PITPNC1: variants seen among roughly 807,000 people sequenced by gnomAD.
The protein encoded by PITPNC1 is cytoplasmic phosphatidylinositol transfer protein 1.
A neutral mutation model predicts 44.7 loss-of-function variants in PITPNC1; 18 were observed. The ratio of observed to expected loss-of-function variants is 0.40; its 90% CI spans 0.28 to 0.60. PITPNC1 has a LOEUF of 0.60. Ranked by LOEUF, PITPNC1 falls within the 20% of genes least tolerant of loss-of-function variation. The pLI, the probability that PITPNC1 is intolerant of heterozygous loss-of-function variation, is 0.39. For missense variants in PITPNC1, 290 were observed against 418.4 expected (o/e 0.69, Z 2.68); for synonymous variants, 141 against 149.6 (o/e 0.94, Z 0.42).
intron 1 of PITPNC1, among the ~76,000 whole-genome samples, chr17:67,532,570 G>A (rs909358267): frequency 6.6e-6 from 1 of 152,096 alleles, no homozygotes; most frequent in Admixed American, 6.5e-5. Flanking sequence ...ACCCGGCCGA[G>A]CATTTGCCAA....
chr17:67,632,068 G>T, intron 5 of PITPNC1, 75 bp from the exon 6 acceptor site: 1 of 855,396 alleles, frequency 1.2e-6, no homozygotes, highest in Non-Finnish European at 2.0e-6. Flanking sequence ...CTGTGTGGGG[G>T]TTATTCTGCC....
intron 5 of PITPNC1, among the ~76,000 whole-genome samples, chr17:67,629,721 C>CACTTGA (rs1209288513): frequency 6.6e-6 from 1 of 152,246 alleles, no homozygotes. Context: ...CTTATTTCTC[C>CACTTGA]ACTTGAACTT....
At chr17:67,566,095 G>C (rs551037071) in intron 4 of PITPNC1, among the ~76,000 whole-genome samples, 1 of 151,766 alleles carries the variant, frequency 6.6e-6, no homozygotes, top group Non-Finnish European at 1.5e-5. Context: ...ACTTTGACTT[G>C]TTTCCAAGTT....
chr17:67,598,065 T>C (rs1329395781), intron 5 of PITPNC1, among the ~76,000 whole-genome samples: 3 of 151,764 alleles, frequency 2.0e-5, no homozygotes, highest in African/African-American at 7.3e-5. Flanking sequence ...CTACTAAAAA[T>C]ACAAAAATTA....
chr17:67,494,261 C>T (rs1225886910), intron 1 of PITPNC1, among the ~76,000 whole-genome samples: 2 of 145,788 alleles, frequency 1.4e-5, no homozygotes, highest in Non-Finnish European at 3.0e-5. Flanking sequence ...AGTGCAGTGG[C>T]GCAATCTTGA....
intron 1 of PITPNC1, among the ~76,000 whole-genome samples, chr17:67,455,133 A>G (rs1399527354): frequency 1.3e-5 from 2 of 152,092 alleles, no homozygotes; most frequent in Admixed American, 1.3e-4. Flanking sequence ...CACATATTTC[A>G]AAGTAAAACC....
rs924909203 is a variant in PITPNC1, at chr17:67,552,198, G to A, written c.198-59G>A. The A allele has an allele frequency of 2.6e-5, 22 of 834,146 alleles. No individual in the cohort carries two copies. In the South Asian group the frequency reaches 2.8e-4, roughly 11 times the overall value. 51.7% of individuals were successfully genotyped at this position (834,146 alleles called of 1,614,324 possible). A position where few individuals can be genotyped will look rare whatever the true frequency, so the allele number is the denominator to read the frequency against. ...TCCAGCATTTTATCCAGAAAGATGT[G>A]GTAGTGTGGTGAGACTCTGAACAGA... is the stretch of plus-strand genomic sequence containing the variant. On this transcript the variant is annotated intron_variant, in intron 2 of 8. Transcript: ENST00000581322.
Position 67,479,295 on chromosome 17 carries a change from C to A in PITPNC1, c.49-53507C>A, listed in dbSNP as rs890370981. ...CACACACACGTCCAGTAGAGACAGACAAGGGGGAGAATTAAATGATTAGCC... is the reference window on the plus strand; with the variant it reads ...CACACACACGTCCAGTAGAGACAGAAAAGGGGGAGAATTAAATGATTAGCC... On this transcript the variant is annotated intron_variant, in intron 1 of 8. Coordinates refer to ENST00000581322, the MANE Select transcript of PITPNC1 (RefSeq NM_012417.4). Among the ~76,000 whole-genome samples, 8 of 152,288 alleles carry A rather than the reference C, an allele frequency of 5.3e-5. No individual in the cohort carries two copies. In the East Asian group the frequency reaches 5.8e-4, roughly 11 times the overall value.
intron 8 of PITPNC1, among the ~76,000 whole-genome samples, chr17:67,677,504 A>C (rs1428927338): frequency 6.6e-6 from 1 of 152,008 alleles, no homozygotes; most frequent in Non-Finnish European, 1.5e-5. Context: ...ATGAAAGGCC[A>C]GGAAGGCGAT....
intron 1 of PITPNC1, among the ~76,000 whole-genome samples, chr17:67,510,118 G>A (rs2040163887): frequency 6.6e-6 from 1 of 152,210 alleles, no homozygotes; most frequent in South Asian, 2.1e-4. Flanking sequence ...GCTGAGCACA[G>A]GGCATTGGGT....
chr17:67,447,711 G>A (rs78412572), intron 1 of PITPNC1, among the ~76,000 whole-genome samples: 4,063 of 150,050 alleles, frequency 0.027, 149 homozygotes, highest in East Asian at 0.14. Flanking sequence ...ATCCCTGCTT[G>A]GAGTCAGCAG....
chr17:67,462,698 A>C (rs1314111203), intron 1 of PITPNC1, among the ~76,000 whole-genome samples: 1 of 122,340 alleles, frequency 8.2e-6, no homozygotes, highest in African/African-American at 3.2e-5. Context: ...CACAATTGGA[A>C]TTTTTTTTTT....
chr17:67,406,204 G>A (rs1261323226), intron 1 of PITPNC1, among the ~76,000 whole-genome samples: 1 of 151,968 alleles, frequency 6.6e-6, no homozygotes. Flanking sequence ...TTTCACAGGC[G>A]CGATCATCAC....
intron 4 of PITPNC1, among the ~76,000 whole-genome samples, chr17:67,559,097 G>A (rs914808212): frequency 6.6e-6 from 1 of 152,116 alleles, no homozygotes; most frequent in African/African-American, 2.4e-5. Flanking sequence ...AATCCAAAGA[G>A]CTGATAGGTG....
chr17:67,463,844 T>G (rs1402900828), intron 1 of PITPNC1, among the ~76,000 whole-genome samples: 1 of 151,814 alleles, frequency 6.6e-6, no homozygotes, highest in African/African-American at 2.4e-5. Context: ...AAGGCAGAGC[T>G]TGCAGCACCA....
Position 67,513,489 on chromosome 17 carries a change from G to GTGTATATA in PITPNC1, c.49-19312_49-19311insGTATATAT, listed in dbSNP as rs772483698. On this transcript the variant is annotated intron_variant, in intron 1 of 8. Transcript: ENST00000581322. ...ATATTTTTACTATATGTGTGTGTGT[G>GTGTATATA]TATATATATATATATATATATATAG... Among the ~76,000 whole-genome samples the GTGTATATA allele has an allele frequency of 1.2e-3, 167 of 138,654 alleles. 1 individual carries two copies. Among genetic ancestry groups the GTGTATATA allele is most frequent in the African/African-American group, 3.5e-3 (132 of 37,372 alleles). The allele number at this position is 138,654 out of a possible 152,430, so 91.0% of individuals were successfully genotyped here.
At chr17:67,385,021 T>C (rs1241341978) in intron 1 of PITPNC1, among the ~76,000 whole-genome samples, 3 of 152,250 alleles carry the variant, frequency 2.0e-5, no homozygotes, top group Admixed American at 6.5e-5. Flanking sequence ...TTAAATTTTC[T>C]GTTGAGAAGG....
chr17:67,600,847 A>G (rs2041530224), intron 5 of PITPNC1, among the ~76,000 whole-genome samples: 1 of 151,804 alleles, frequency 6.6e-6, no homozygotes, highest in Admixed American at 6.6e-5. Flanking sequence ...CAATATTTGA[A>G]ACAATAAAGG....
intron 6 of PITPNC1, among the ~76,000 whole-genome samples, chr17:67,642,032 C>G (rs563471185): frequency 1.3e-5 from 2 of 152,132 alleles, no homozygotes; most frequent in African/African-American, 4.8e-5. Flanking sequence ...AAATTGCCCA[C>G]ACCCTGCGGC....
Sources: allele counts gnomAD v4.1 joint callset (sites outside exome capture counted in the v4.1 genomes callset), GRCh38; gene constraint gnomAD v4.1.1; transcripts MANE v1.5; gene names NCBI Gene and HGNC (gene_info 2026-07-23, HGNC 2026-07-21).